Variants in SLC8A1 observed in about 807,000 individuals in gnomAD.
SLC8A1 encodes the protein sodium/calcium exchanger 1.
In SLC8A1, 18 loss-of-function variants were observed where a neutral mutation model predicts 68.3. The ratio of observed to expected loss-of-function variants is 0.26; its 90% CI spans 0.18 to 0.39. SLC8A1 has a LOEUF of 0.39. SLC8A1 is among the 10% of genes least tolerant of loss of function. The probability of loss-of-function intolerance (pLI) is 1.00; values close to 1 mark genes in which losing one functional copy is unlikely to be tolerated. For synonymous variants in SLC8A1, 475 were observed against 415.5 expected (o/e 1.14, Z -1.74); for missense variants, 985 against 1,156.7 (o/e 0.85, Z 2.15).
intron 2 of SLC8A1, among the ~76,000 whole-genome samples, chr2:40,378,223 T>C (rs1237880733): frequency 1.3e-5 from 2 of 152,116 alleles, no homozygotes; most frequent in African/African-American, 4.8e-5. Context: ...AAACAGTATA[T>C]GGAAGGACAT....
At chr2:40,297,153 G>A (rs2070548452) in intron 2 of SLC8A1, among the ~76,000 whole-genome samples, 1 of 152,096 alleles carries the variant, frequency 6.6e-6, no homozygotes, top group African/African-American at 2.4e-5. Context: ...TTCCTTGAGA[G>A]CAGACATTAT....
chr2:40,139,630 G>C, exon 7 of SLC8A1: 2 of 1,614,118 alleles, frequency 1.2e-6, no homozygotes, highest in Non-Finnish European at 8.5e-7. Flanking sequence ...AATCGAAACA[G>C]GAGGGCAGCT....
At chr2:40,368,314 T>C (rs1161895931) in intron 2 of SLC8A1, among the ~76,000 whole-genome samples, 3 of 152,056 alleles carry the variant, frequency 2.0e-5, no homozygotes, top group African/African-American at 7.2e-5. Flanking sequence ...CCCAACGCTT[T>C]TGCAAAAATT....
rs1205894859 is a variant in SLC8A1, at chr2:40,427,840, T to A, written c.1808+633A>T. 2.0e-5 allele frequency among the ~76,000 whole-genome samples: 3 copies of A among 152,160 alleles called. No individual in the cohort carries two copies. In the South Asian group the frequency reaches 6.2e-4, roughly 31 times the overall value. Reference sequence around the variant, plus strand: ...TAAGGATGTAAAATAAAACCGGACTTGAACTACAAAAGGGCTGGATGGCCT... The same window carrying A: ...TAAGGATGTAAAATAAAACCGGACTAGAACTACAAAAGGGCTGGATGGCCT... On this transcript the variant is annotated intron_variant, in intron 2 of 7. Transcript: ENST00000406785.
chr2:40,139,647 C>T, exon 7 of SLC8A1: 1 of 1,614,014 alleles, frequency 6.2e-7, no homozygotes, highest in Non-Finnish European at 8.5e-7. Flanking sequence ...AGCTTCTCTT[C>T]CCCACATTCA....
intron 2 of SLC8A1, among the ~76,000 whole-genome samples, chr2:40,304,272 C>T (rs904138488): frequency 2.6e-5 from 4 of 152,110 alleles, no homozygotes; most frequent in African/African-American, 9.7e-5. Flanking sequence ...GAGTTTTAGT[C>T]CACTTGTTCC....
In SLC8A1 at chr2:40,188,658, T is replaced by C. The variant is rs150410440; in HGVS notation, c.1809-10803A>G. 8.8e-4 allele frequency among the ~76,000 whole-genome samples: 134 copies of C among 152,358 alleles called. 1 individual carries two copies. The highest frequency in any genetic ancestry group is 3.1e-3 in the African/African-American group (127 of 41,596). The stretch of plus-strand genomic sequence containing the variant: ...GAAGGACTTCACTCCTGGCATGTTA[T>C]AGGACAGCAGCTAGAATATGCTGAA... On this transcript the variant is annotated intron_variant, in intron 2 of 7. Transcript: ENST00000406785.
intron 2 of SLC8A1, among the ~76,000 whole-genome samples, chr2:40,284,671 TAC>T (rs1559092723): frequency 6.7e-6 from 1 of 149,770 alleles, no homozygotes; most frequent in Non-Finnish European, 1.5e-5. Flanking sequence ...AATATATATA[TAC>T]ACACACACAA....
chr2:40,132,958 A>AT (rs1437948948), intron 7 of SLC8A1, among the ~76,000 whole-genome samples: 2 of 152,086 alleles, frequency 1.3e-5, no homozygotes, highest in African/African-American at 4.8e-5. Flanking sequence ...TCCTTTTGAC[A>AT]TTTTTTTAGA....
rs529094714 is a variant in SLC8A1, at chr2:40,320,125, T to C, written c.1808+108348A>G. The stretch of plus-strand genomic sequence containing the variant: ...ATCATTACCATCACCATCATCTTCA[T>C]ATTACCTAAGTCTCTCACAGCCTGT... On this transcript the variant is annotated intron_variant, in intron 2 of 7. Coordinates refer to ENST00000406785, the Ensembl canonical transcript of SLC8A1. Among the ~76,000 whole-genome samples the C allele has an allele frequency of 2.6e-5, 4 of 152,276 alleles. No individual in the cohort carries two copies. The South Asian group carries it at 8.3e-4, about 32-fold the overall frequency.
At chr2:40,163,363 G>T (rs1046281741) in intron 5 of SLC8A1, among the ~76,000 whole-genome samples, 3 of 152,176 alleles carry the variant, frequency 2.0e-5, no homozygotes, top group South Asian at 2.1e-4. Flanking sequence ...CAATTCCCCA[G>T]GAGAACCCAG....
At chr2:40,414,405 G>A (rs1693170341) in intron 2 of SLC8A1, among the ~76,000 whole-genome samples, 2 of 152,160 alleles carry the variant, frequency 1.3e-5, no homozygotes, top group Admixed American at 6.6e-5. Context: ...AGCACATTGG[G>A]ACCAGTACAC....
chr2:40,380,656 G>A (rs1483757677), intron 2 of SLC8A1, among the ~76,000 whole-genome samples: 2 of 152,072 alleles, frequency 1.3e-5, no homozygotes, highest in Non-Finnish European at 2.9e-5. Context: ...GGCAAGTGAT[G>A]AGTGCCTTAA....
rs183624309 is a variant in SLC8A1 at position 40,460,019 on chromosome 2, G to A, written c.-24-29715C>T. On this transcript the variant is annotated intron_variant, in intron 1 of 7. Coordinates refer to the SLC8A1 transcript ENST00000402441. ...CTTGTTTTTGTAAATGTTATTTAAC[G>A]TCAATGGTGTCAATGGTGTTTTATT... Among the ~76,000 whole-genome samples the A allele has an allele frequency of 3.9e-5, 4 of 102,794 alleles. No individual in the cohort carries two copies. The East Asian group carries it at 5.8e-4, about 15-fold the overall frequency. The allele number at this position is 102,794 out of a possible 152,430, so 67.4% of individuals were successfully genotyped here.
chr2:40,330,168 AC>A (rs1464135110), intron 2 of SLC8A1, among the ~76,000 whole-genome samples: 1 of 152,158 alleles, frequency 6.6e-6, no homozygotes, highest in African/African-American at 2.4e-5. Flanking sequence ...TATTCCCAAG[AC>A]CCGTTCTAAC....
At chr2:40,170,672 A>G (rs1002677875) in intron 4 of SLC8A1, among the ~76,000 whole-genome samples, 5 of 152,204 alleles carry the variant, frequency 3.3e-5, no homozygotes, top group African/African-American at 1.2e-4. Flanking sequence ...AGGTCCTTCA[A>G]GGTACCGCTT....
chr2:40,133,450 C>A (rs1369501683), intron 7 of SLC8A1, among the ~76,000 whole-genome samples: 1 of 151,292 alleles, frequency 6.6e-6, no homozygotes, highest in Non-Finnish European at 1.5e-5. Context: ...GCCTTAAAAT[C>A]CTTAGAGGGA....
chr2:40,135,415 T>C (rs1262095645), intron 7 of SLC8A1, among the ~76,000 whole-genome samples: 1 of 151,952 alleles, frequency 6.6e-6, no homozygotes, highest in Non-Finnish European at 1.5e-5. Flanking sequence ...ACACACTTTA[T>C]AGGAAAGGTC....
chr2:40,422,694 G>T (rs1347782604), intron 2 of SLC8A1, among the ~76,000 whole-genome samples: 3 of 152,060 alleles, frequency 2.0e-5, no homozygotes, highest in African/African-American at 7.2e-5. Flanking sequence ...TTAAAGTAAA[G>T]CAGAACCATT....
Sources: allele counts gnomAD v4.1 joint callset (sites outside exome capture counted in the v4.1 genomes callset), GRCh38; gene constraint gnomAD v4.1.1; transcripts MANE v1.5; gene names NCBI Gene and HGNC (gene_info 2026-07-23, HGNC 2026-07-21).